HASPIN: variants seen among roughly 807,000 people sequenced by gnomAD.
HASPIN encodes histone H3 associated protein kinase, also known as serine/threonine-protein kinase haspin.
A neutral mutation model predicts 28.8 loss-of-function variants in HASPIN; 24 were observed. That is an observed-to-expected ratio of 0.83 (90% CI 0.60 to 1.17). HASPIN has a LOEUF of 1.17. Ranked by LOEUF, HASPIN falls within the 50% of genes most tolerant of loss-of-function variation. HASPIN has a pLI of 0.00. For missense variants in HASPIN, 1,016 were observed against 1,018.5 expected, an observed-to-expected ratio of 1.00 and a Z score of 0.03; for synonymous variants, 440 against 413.1, an observed-to-expected ratio of 1.07 and a Z score of -0.79.
rs781498594 is a variant in HASPIN, at chr17:3,725,396, T to G, written c.1461T>G (p.Cys487Trp). 1.2e-6 allele frequency: 2 copies of G among 1,614,078 alleles called. No individual in the cohort carries two copies. Among genetic ancestry groups the G allele is most frequent in the African/African-American group, 2.7e-5 (2 of 74,914 alleles). Residue 487 changes from cysteine (C) to tryptophan (W), a missense_variant, in exon 1 of 1, where the codon TGT becomes TGG. Physicochemically the swap from Cys to Trp is radical, Grantham distance 215. This residue lies in a region of HASPIN where 881 missense variants were observed against 845.5 expected (regional missense o/e 1.04). Coordinates refer to ENST00000325418, the MANE Select transcript of HASPIN (RefSeq NM_031965.2). ...TTCCCACAGAAAAACTGCAACGCTG[T>G]GAGAAGATTGGGGAAGGGGTGTTTG... ...HCLPTEKLQR[C>W]EKIGEGVFGE...
Position 3,725,119 on chromosome 17 carries a change from T to C in HASPIN, c.1184T>C (p.Ile395Thr). The change falls in exon 1 of 1, where the codon ATT becomes ACT. Residue 395 changes from isoleucine (I) to threonine (T), a missense_variant. Around this residue, in one of 3 missense-constraint regions of HASPIN, gnomAD observed 881 missense variants for 845.5 expected, o/e 1.04. Coordinates refer to ENST00000325418, the MANE Select transcript of HASPIN (RefSeq NM_031965.2). ...TCCTTCAGTTTCCACAAGAAGAAAATTGTGACTGATGTGTCAGAGGTCTGC... is the reference window on the plus strand; with the variant it reads ...TCCTTCAGTTTCCACAAGAAGAAAACTGTGACTGATGTGTCAGAGGTCTGC... Reference protein sequence around the residue: ...RASFSFHKKKIVTDVSEVCSI... With the variant: ...RASFSFHKKKTVTDVSEVCSI... 1.2e-6 allele frequency: 2 copies of C among 1,614,148 alleles called. No homozygotes were observed. The highest frequency in any genetic ancestry group is 1.1e-5 in the South Asian group (1 of 91,082).
chr17:3,724,158 C>T lies in HASPIN; in HGVS notation c.223C>T (p.Pro75Ser), dbSNP rs1315630969. The T allele has an allele frequency of 1.3e-6, 2 of 1,594,570 alleles. No homozygotes were observed. The highest frequency in any genetic ancestry group is 1.7e-6 in the Non-Finnish European group (2 of 1,177,156). Reference protein sequence around the residue: ...DPDDPDFPGSPVRRRRRRPGG... With the variant: ...DPDDPDFPGSSVRRRRRRPGG... ...CGACGACCCCGACTTCCCCGGCAGCCCGGTGAGGCGGCGGCGGAGGCGTCC... is the reference window on the plus strand; with the variant it reads ...CGACGACCCCGACTTCCCCGGCAGCTCGGTGAGGCGGCGGCGGAGGCGTCC... Residue 75 changes from proline to serine, a missense_variant, in exon 1 of 1, where the codon CCG (proline) becomes TCG (serine). Physicochemically the swap from Pro to Ser is moderately conservative, Grantham distance 74 (BLOSUM62 -1). Coordinates refer to ENST00000325418, the MANE Select transcript of HASPIN (RefSeq NM_031965.2).
rs1376711155 is a variant in HASPIN, at chr17:3,724,799, C to T, written c.864C>T (p.Ser288=). ...GACCAGAGGGTCCAGGTCTGTCAAG[C>T]ACAGGCAAGAGGAGGGCCACAGGCC... ...GNGPEGPGLS[S]TGKRRATGQD... Residue 288 remains serine (S), a synonymous_variant, in exon 1 of 1, where the codon AGC becomes AGT. Coordinates refer to ENST00000325418, the MANE Select transcript of HASPIN (RefSeq NM_031965.2). 6 of 1,614,020 alleles carry T rather than the reference C, an allele frequency of 3.7e-6. No individual in the cohort carries two copies. The African/African-American group carries it at 8.0e-5, about 22-fold the overall frequency.
chr17:3,726,434 C>A lies in HASPIN; in HGVS notation c.*102C>A. 1 of 743,494 alleles carries A rather than the reference C, an allele frequency of 1.3e-6. No homozygotes were observed. Among genetic ancestry groups the A allele is most frequent in the Non-Finnish European group, 2.3e-6 (1 of 443,250 alleles). 46.1% of individuals were successfully genotyped at this position (743,494 alleles called of 1,614,324 possible). On this transcript the variant is annotated 3_prime_UTR_variant, in exon 1 of 1. Coordinates refer to ENST00000325418, the MANE Select transcript of HASPIN (RefSeq NM_031965.2). ...CACAGGAGGGTGGAACTCCCATTCT[C>A]ACAGGTTTCCAGTCAGCTTTTCAAA...
Position 3,725,463 on chromosome 17 carries a change from A to C in HASPIN, c.1528A>C (p.Ile510Leu). 6.2e-7 allele frequency: 1 copy of C among 1,614,252 alleles called. No individual in the cohort carries two copies. The highest frequency in any genetic ancestry group is 1.1e-5 in the South Asian group (1 of 91,086). ...QTIADHTPVA[I>L]KIIAIEGPDL... ...AATTGCTGATCACACACCCGTAGCC[A>C]TAAAAATCATTGCTATTGAAGGACC... Residue 510 changes from isoleucine to leucine, a missense_variant, in exon 1 of 1, where the codon ATA (isoleucine) becomes CTA (leucine). Ile to Leu is a conservative substitution (Grantham distance 5, BLOSUM62 2). Around this residue, in one of 3 missense-constraint regions of HASPIN, gnomAD observed 881 missense variants for 845.5 expected, o/e 1.04. Coordinates refer to ENST00000325418, the MANE Select transcript of HASPIN (RefSeq NM_031965.2).
rs1194835854 is a variant in HASPIN, at chr17:3,725,165, T to C, written c.1230T>C (p.Thr410=). 2.5e-6 allele frequency: 4 copies of C among 1,614,110 alleles called. No individual in the cohort carries two copies. The highest frequency in any genetic ancestry group is 3.4e-6 in the Non-Finnish European group (4 of 1,180,048). Residue 410 remains threonine, a synonymous_variant, in exon 1 of 1, where the codon ACT becomes ACC. Transcript: ENST00000325418. The stretch of plus-strand genomic sequence containing the variant: ...TCTGCAGCATCTATACCACTGCCAC[T>C]TCTCTCTCTGGATCCCTCCTATCAG... ...SEVCSIYTTA[T]SLSGSLLSEC... is the part of the protein sequence containing the mutation.
In HASPIN at chr17:3,724,217, GA is replaced by G. The variant is rs752746330; in HGVS notation, c.283del (p.Thr95ProfsTer2). ...GAGTGCCCAAGGACCGGCCCAGCCTGACCGTGACCCCAAAGCGCTGGAAGCT... is the reference window on the plus strand; with the variant it reads ...GAGTGCCCAAGGACCGGCCCAGCCTGCCGTGACCCCAAAGCGCTGGAAGCT... The part of the protein sequence containing the change: ...GRVPKDRPSL[T>X]VTPKRWKLRA... On this transcript the variant is annotated frameshift_variant, in exon 1 of 1. Transcript: ENST00000325418. LOFTEE classifies it low-confidence loss of function (END_TRUNC). 5 of 1,593,482 alleles carry G rather than the reference GA, an allele frequency of 3.1e-6. No individual in the cohort carries two copies. The highest frequency in any genetic ancestry group is 4.2e-6 in the Non-Finnish European group (5 of 1,177,352).
At position 3,725,143 on chromosome 17, in the gene HASPIN, G is replaced by A; in HGVS notation, c.1208G>A (p.Cys403Tyr). Residue 403 changes from cysteine to tyrosine, a missense_variant, in exon 1 of 1, where the codon TGC (cysteine) becomes TAC (tyrosine). Transcript: ENST00000325418. ...KKIVTDVSEVCSIYTTATSLS... is the reference protein window; with the variant it reads ...KKIVTDVSEVYSIYTTATSLS... ...ATTGTGACTGATGTGTCAGAGGTCT[G>A]CAGCATCTATACCACTGCCACTTCT... The A allele has an allele frequency of 6.2e-7, 1 of 1,614,182 alleles. No homozygotes were observed.
chr17:3,724,253 C>T lies in HASPIN; in HGVS notation c.318C>T (p.Arg106=). Residue 106 remains arginine (R), a synonymous_variant, in exon 1 of 1, where the codon CGC becomes CGT. Transcript: ENST00000325418. ...VTPKRWKLRA[R]PSLTVTPRRL... ...CAAAGCGCTGGAAGCTGCGAGCTCG[C>T]CCAAGCCTAACCGTGACCCCAAGAC... 1 of 1,592,422 alleles carries T rather than the reference C, an allele frequency of 6.3e-7. No homozygotes were observed. The highest frequency in any genetic ancestry group is 8.5e-7 in the Non-Finnish European group (1 of 1,176,846).
chr17:3,725,563 G>A lies in HASPIN; in HGVS notation c.1628G>A (p.Ser543Asn). ...LPEIIISKEL[S>N]LLSGEVCNRT... ...GAGATCATCATCTCCAAAGAGTTGA[G>A]CCTCTTATCCGGTGAAGTGTGCAAC... Residue 543 changes from serine to asparagine, a missense_variant, in exon 1 of 1, where the codon AGC (serine) becomes AAC (asparagine). Physicochemically the swap from Ser to Asn is conservative, Grantham distance 46 (BLOSUM62 1). Coordinates refer to ENST00000325418, the MANE Select transcript of HASPIN (RefSeq NM_031965.2). The A allele has an allele frequency of 6.2e-7, 1 of 1,614,224 alleles. No individual in the cohort carries two copies. Among genetic ancestry groups the A allele is most frequent in the South Asian group, 1.1e-5 (1 of 91,074 alleles).
Position 3,724,225 on chromosome 17 carries a change from C to T in HASPIN, c.290C>T (p.Thr97Ile). ...AAGGACCGGCCCAGCCTGACCGTGA[C>T]CCCAAAGCGCTGGAAGCTGCGAGCT... ...VPKDRPSLTV[T>I]PKRWKLRARP... The change falls in exon 1 of 1, where the codon ACC becomes ATC. Residue 97 changes from threonine to isoleucine, a missense_variant. By Grantham distance (89) the Thr-to-Ile change is moderately conservative (BLOSUM62 -1). This residue lies in a region of HASPIN where 881 missense variants were observed against 845.5 expected (regional missense o/e 1.04). Transcript: ENST00000325418. 6.3e-7 allele frequency: 1 copy of T among 1,593,626 alleles called. No individual in the cohort carries two copies. The highest frequency in any genetic ancestry group is 8.5e-7 in the Non-Finnish European group (1 of 1,177,380).
chr17:3,725,625 T>C lies in HASPIN; in HGVS notation c.1690T>C (p.Cys564Arg). ...EGFIGLNSVH[C>R]VQGSYPPLLL... ...CTTTATCGGGCTGAACTCAGTGCAC[T>C]GTGTCCAGGGATCTTACCCTCCCTT... Residue 564 changes from cysteine (C) to arginine (R), a missense_variant, in exon 1 of 1, where the codon TGT becomes CGT. Transcript: ENST00000325418. 1.2e-6 allele frequency: 2 copies of C among 1,612,786 alleles called. No homozygotes were observed. The highest frequency in any genetic ancestry group is 1.1e-5 in the South Asian group (1 of 91,024).
chr17:3,725,819 T>C lies in HASPIN; in HGVS notation c.1884T>C (p.Ile628=), dbSNP rs2051196913. The C allele has an allele frequency of 4.3e-6, 7 of 1,612,416 alleles. No individual in the cohort carries two copies. Among genetic ancestry groups the C allele is most frequent in the Non-Finnish European group, 5.9e-6 (7 of 1,179,828 alleles). ...KLSSLATAKS[I]LHQLTASLAV... ...CTTCCTTGGCTACTGCAAAGAGCATTCTACACCAGCTCACAGCCTCCCTCG... is the reference window on the plus strand; with the variant it reads ...CTTCCTTGGCTACTGCAAAGAGCATCCTACACCAGCTCACAGCCTCCCTCG... Residue 628 remains isoleucine (I), a synonymous_variant, in exon 1 of 1, where the codon ATT becomes ATC. Coordinates refer to ENST00000325418, the MANE Select transcript of HASPIN (RefSeq NM_031965.2).
At position 3,724,474 on chromosome 17, in the gene HASPIN, C is replaced by G. The variant is rs779458995; in HGVS notation, c.539C>G (p.Pro180Arg). ...CTGGCCTCGCCCTGCCCCGGGTCCC[C>G]AACGCCAAGGGACAGTGTCATCTCG... ...SSLASPCPGS[P>R]TPRDSVISIG... Residue 180 changes from proline (P) to arginine (R), a missense_variant, in exon 1 of 1, where the codon CCA (proline) becomes CGA (arginine). Transcript: ENST00000325418. 9 of 1,613,828 alleles carry G rather than the reference C, an allele frequency of 5.6e-6. No homozygotes were observed. Among genetic ancestry groups the G allele is most frequent in the Non-Finnish European group, 7.6e-6 (9 of 1,180,032 alleles).
chr17:3,726,114 AAGG>A lies in HASPIN; in HGVS notation c.2182_2184del (p.Glu728del), dbSNP rs2051205988. The A allele has an allele frequency of 6.2e-7, 1 of 1,614,210 alleles. No homozygotes were observed. Among genetic ancestry groups the A allele is most frequent in the Non-Finnish European group, 8.5e-7 (1 of 1,180,046 alleles). On this transcript the variant is annotated inframe_deletion, in exon 1 of 1. Transcript: ENST00000325418. The stretch of plus-strand genomic sequence containing the variant: ...GTTTGACATCTACAGGCTCATGAAG[AAGG>A]AGAATAACAACCGCTGGGGTGAATA...
In HASPIN at chr17:3,724,979, C is replaced by T; in HGVS notation, c.1044C>T (p.Thr348=). The T allele has an allele frequency of 3.1e-6, 5 of 1,614,144 alleles. No homozygotes were observed. The highest frequency in any genetic ancestry group is 2.2e-5 in the East Asian group (1 of 44,888). Residue 348 remains threonine, a synonymous_variant, in exon 1 of 1, where the codon ACC becomes ACT. Coordinates refer to ENST00000325418, the MANE Select transcript of HASPIN (RefSeq NM_031965.2). The part of the protein sequence containing the change: ...RKSKHQEATE[T]SLLHSHRFKK... ...GCAAACATCAGGAGGCAACGGAAAC[C>T]TCTCTCCTCCATTCCCACCGCTTTA...
At position 3,724,454 on chromosome 17, in the gene HASPIN, C is replaced by T. The variant is rs2051156884; in HGVS notation, c.519C>T (p.Ala173=). ...GISASLFSSL[A]SPCPGSPTPR... is the part of the protein sequence containing the mutation. The stretch of plus-strand genomic sequence containing the variant: ...GTGCCTCCCTGTTCAGCTCTCTGGC[C>T]TCGCCCTGCCCCGGGTCCCCAACGC... Residue 173 remains alanine (A), a synonymous_variant, in exon 1 of 1, where the codon GCC becomes GCT. Transcript: ENST00000325418. 6.8e-6 allele frequency: 11 copies of T among 1,613,658 alleles called. No individual in the cohort carries two copies. The highest frequency in any genetic ancestry group is 9.3e-6 in the Non-Finnish European group (11 of 1,180,016).
In HASPIN at chr17:3,726,412, A is replaced by AGGAG; in HGVS notation, c.*83_*86dup. The AGGAG allele has an allele frequency of 1.1e-6, 1 of 921,738 alleles. No individual in the cohort carries two copies. Among genetic ancestry groups the AGGAG allele is most frequent in the Non-Finnish European group, 1.7e-6 (1 of 597,442 alleles). The allele number at this position is 921,738 out of a possible 1,614,324, so 57.1% of individuals were successfully genotyped here. Reference sequence around the variant, plus strand: ...GTGCTGTTTCAACCTCCATCCCCACAGGAGGGTGGAACTCCCATTCTCACA... The same window carrying AGGAG: ...GTGCTGTTTCAACCTCCATCCCCACAGGAGGGAGGGTGGAACTCCCATTCTCACA... On this transcript the variant is annotated 3_prime_UTR_variant, in exon 1 of 1. Transcript: ENST00000325418.
Position 3,724,325 on chromosome 17 carries a change from C to T in HASPIN, c.390C>T (p.Cys130=), listed in dbSNP as rs1185511. The change falls in exon 1 of 1, where the codon TGC becomes TGT. Residue 130 remains cysteine (C), a synonymous_variant. Coordinates refer to ENST00000325418, the MANE Select transcript of HASPIN (RefSeq NM_031965.2). ...CCCCGCAGAAGTGCAGCACACCCTG[C>T]GGCCCGCTCCGACTTCCGCCCTTCC... ...ARPPQKCSTP[C]GPLRLPPFPS... 41,752 of 1,586,646 alleles carry T rather than the reference C, an allele frequency of 0.026. 8,942 individuals carry two copies. In the African/African-American group the frequency reaches 0.48, roughly 18 times the overall value.
Sources: gnomAD v4.1 joint callset for allele counts on GRCh38, gnomAD v4.1.1 for gene constraint, gnomAD v4.1.1 regional missense constraint, MANE v1.5 for transcripts, NCBI Gene and HGNC (gene_info 2026-07-23, HGNC 2026-07-21) for gene names.